The following DDX27 variants were observed in gnomAD, a reference collection of about 807,000 sequenced individuals.
The protein encoded by DDX27 is DEAD-box helicase 27.
A neutral mutation model predicts 99.3 loss-of-function variants in DDX27; 42 were observed. That is an observed-to-expected ratio of 0.42 (90% CI 0.33 to 0.55). The LOEUF (loss-of-function observed/expected upper bound fraction) is 0.55, where lower values mean the gene tolerates loss of function less well. Ranked by LOEUF, DDX27 falls within the 20% of genes least tolerant of loss-of-function variation. The probability of loss-of-function intolerance (pLI) is 0.07; values close to 1 mark genes in which losing one functional copy is unlikely to be tolerated. For synonymous variants in DDX27, 329 were observed against 353.8 expected, an observed-to-expected ratio of 0.93 and a Z score of 0.79; for missense variants, 798 against 976.8, an observed-to-expected ratio of 0.82 and a Z score of 2.44.
Position 49,223,271 on chromosome 20 carries a change from A to G in DDX27, c.304A>G (p.Lys102Glu), listed in dbSNP as rs748163464. 5 of 1,605,694 alleles carry G rather than the reference A, an allele frequency of 3.1e-6. No homozygotes were observed. Among genetic ancestry groups the G allele is most frequent in the African/African-American group, 2.7e-5 (2 of 74,120 alleles). Reference sequence around the variant, plus strand: ...CTCACTTTAATTTTTTTCCCAGGATAAAGAAGCCAAGTCTGGGAAGTTGGA... The same window carrying G: ...CTCACTTTAATTTTTTTCCCAGGATGAAGAAGCCAAGTCTGGGAAGTTGGA... Reference protein sequence around the residue: ...KVRKKRKTEDKEAKSGKLEKE... With the variant: ...KVRKKRKTEDEEAKSGKLEKE... The change falls in exon 4 of 21, where the codon AAA (lysine) becomes GAA (glutamate). Residue 102 changes from lysine (K) to glutamate (E), a missense_variant. By Grantham distance (56) the Lys-to-Glu change is moderately conservative (BLOSUM62 1). This residue lies in a region of DDX27 where 245 missense variants were observed against 248.8 expected (regional missense o/e 0.98). Coordinates refer to ENST00000618172, the MANE Select transcript of DDX27 (RefSeq NM_017895.8).
At chr20:49,230,569 C>G (rs1279080987) in intron 9 of DDX27, among the ~76,000 whole-genome samples, 1 of 152,188 alleles carries the variant, frequency 6.6e-6, no homozygotes, top group Non-Finnish European at 1.5e-5. Flanking sequence ...TAAGGCTGGT[C>G]AAATGTTGGT....
In DDX27 at chr20:49,219,485, G is replaced by A. The variant is rs754898021; in HGVS notation, c.37G>A (p.Glu13Lys). The change falls in exon 1 of 21, where the codon GAG becomes AAG. Residue 13 changes from glutamate (E) to lysine (K), a missense_variant. Physicochemically the swap from Glu to Lys is moderately conservative, Grantham distance 56. This residue lies in a region of DDX27 where 245 missense variants were observed against 248.8 expected (regional missense o/e 0.98). Transcript: ENST00000618172. Reference protein sequence around the residue: ...ADLGLIGTIGEDDEVPVEPES... With the variant: ...ADLGLIGTIGKDDEVPVEPES... Reference sequence around the variant, plus strand: ...CCTCGGCTTAATCGGAACCATAGGCGAGGATGACGAGGTGCCGGTGGAGCC... The same window carrying A: ...CCTCGGCTTAATCGGAACCATAGGCAAGGATGACGAGGTGCCGGTGGAGCC... 6.2e-7 allele frequency: 1 copy of A among 1,614,094 alleles called. No homozygotes were observed. The highest frequency in any genetic ancestry group is 1.1e-5 in the South Asian group (1 of 91,066).
chr20:49,223,916 T>A (rs1306301192), intron 4 of DDX27, among the ~76,000 whole-genome samples: 1 of 152,058 alleles, frequency 6.6e-6, no homozygotes, highest in African/African-American at 2.4e-5. Flanking sequence ...TCTCACTCCA[T>A]CCACAGGCTG....
chr20:49,223,094 G>GACGTTACCTA, intron 3 of DDX27, 78 bp downstream of exon 3: 1 of 1,477,530 alleles, frequency 6.8e-7, no homozygotes, highest in Non-Finnish European at 9.4e-7. Flanking sequence ...CTCTCTGGAA[G>GACGTTACCTA]CCCTTATAGA....
In DDX27 at chr20:49,236,415, G is replaced by A. The variant is rs779990675; in HGVS notation, c.1592G>A (p.Arg531His). The change falls in exon 14 of 21, where the codon CGC becomes CAC. Residue 531 changes from arginine to histidine, a missense_variant. By Grantham distance (29) the Arg-to-His change is conservative. Around this residue, in one of 2 missense-constraint regions of DDX27, gnomAD observed 553 missense variants for 727.9 expected, o/e 0.76. Transcript: ENST00000618172. The surrounding 1 kb of genome is among the most constrained non-coding windows in gnomAD (Gnocchi z 4.1). ...GRTARAGRAG[R>H]SVSLVGEDER... ...ACAGCACGTGCTGGCAGGGCTGGGCGCTCAGTCTCTCTGGTGGGAGAAGAT... is the reference window on the plus strand; with the variant it reads ...ACAGCACGTGCTGGCAGGGCTGGGCACTCAGTCTCTCTGGTGGGAGAAGAT... 3.1e-6 allele frequency: 5 copies of A among 1,612,824 alleles called. No individual in the cohort carries two copies. Among genetic ancestry groups the A allele is most frequent in the East Asian group, 2.2e-5 (1 of 44,856 alleles).
intron 19 of DDX27, among the ~76,000 whole-genome samples, 161 bp from the exon 20 acceptor site, chr20:49,243,468 C>T (rs1350914181): frequency 6.6e-6 from 1 of 152,138 alleles, no homozygotes; most frequent in Non-Finnish European, 1.5e-5. Context: ...TCCAGAAACA[C>T]GTTATCAGGT....
At chr20:49,242,827 T>G (rs1980526081) in intron 19 of DDX27, 146 bp downstream of exon 19, 1 of 750,486 alleles carries the variant, frequency 1.3e-6, no homozygotes, top group African/African-American at 1.8e-5. Flanking sequence ...GTTCAAGCAA[T>G]TCTCCTGCCT....
At chr20:49,226,402 C>T (rs1979887674) in intron 6 of DDX27, 28 bp from the exon 7 acceptor site, 1 of 1,595,610 alleles carries the variant, frequency 6.3e-7, no homozygotes, top group Non-Finnish European at 8.6e-7. Flanking sequence ...CCGCTCAACC[C>T]TGTCTGACCC....
intron 9 of DDX27, chr20:49,232,827 C>A (rs574831844): frequency 6.5e-6 from 1 of 152,984 alleles, no homozygotes; most frequent in South Asian, 1.7e-4. Flanking sequence ...GTAATCCCAG[C>A]TATTCAGGAG....
intron 14 of DDX27, chr20:49,238,313 TTTTG>T (rs901049999): frequency 3.3e-5 from 5 of 152,562 alleles, no homozygotes; most frequent in African/African-American, 1.2e-4. Flanking sequence ...CACTGCCTTA[TTTTG>T]TTTAAGATAA....
chr20:49,242,377 T>C (rs1361595062), intron 18 of DDX27, among the ~76,000 whole-genome samples, 171 bp downstream of exon 18: 1 of 152,154 alleles, frequency 6.6e-6, no homozygotes, highest in Non-Finnish European at 1.5e-5. Flanking sequence ...GCAGTGACCT[T>C]GTGGTTGTTG....
At chr20:49,227,056 G>A (rs1021051318) in intron 7 of DDX27, among the ~76,000 whole-genome samples, 3 of 149,210 alleles carry the variant, frequency 2.0e-5, no homozygotes, top group African/African-American at 7.4e-5. Flanking sequence ...TAGAGACGGG[G>A]TTTCACCGTT....
chr20:49,236,178 C>G lies in DDX27; in HGVS notation c.1456C>G (p.Leu486Val), dbSNP rs765507005. The G allele has an allele frequency of 3.1e-6, 5 of 1,612,402 alleles. No homozygotes were observed. The highest frequency in any genetic ancestry group is 4.2e-6 in the Non-Finnish European group (5 of 1,179,310). Residue 486 changes from leucine to valine, a missense_variant, in exon 13 of 21, where the codon CTC becomes GTC. Physicochemically the swap from Leu to Val is conservative, Grantham distance 32. Coordinates refer to ENST00000618172, the MANE Select transcript of DDX27 (RefSeq NM_017895.8). The surrounding 1 kb of genome is among the most constrained non-coding windows in gnomAD (Gnocchi z 4.1). ...RRFKDEQIDI[L>V]VATDVAARGL... ...TTTTAAGGATGAACAGATTGACATCCTCGTGGCCACTGATGTGGCAGCCCG... is the reference window on the plus strand; with the variant it reads ...TTTTAAGGATGAACAGATTGACATCGTCGTGGCCACTGATGTGGCAGCCCG...
At chr20:49,240,532 A>T (rs1434748936) in intron 16 of DDX27, among the ~76,000 whole-genome samples, 2 of 152,098 alleles carry the variant, frequency 1.3e-5, no homozygotes, top group Non-Finnish European at 2.9e-5. Context: ...GGTTCACCCC[A>T]TTCTCCTGCC....
intron 1 of DDX27, 152 bp downstream of exon 1, chr20:49,219,693 TC>T (rs201830161): frequency 0.019 from 14,880 of 772,086 alleles, 207 homozygotes; most frequent in Middle Eastern, 0.053. Context: ...TTCCTCAGTT[TC>T]CCCGCCACTA....
intron 6 of DDX27, among the ~76,000 whole-genome samples, chr20:49,225,677 G>A (rs899441543): frequency 2.6e-5 from 4 of 151,656 alleles, no homozygotes; most frequent in African/African-American, 4.8e-5. Flanking sequence ...GGATGGTCTC[G>A]ATCTCCTGAC....
chr20:49,219,803 GTGTAAGAGACGGCAGGTTTCTTACACCT>G (rs761400011), intron 1 of DDX27, among the ~76,000 whole-genome samples: 131 of 152,248 alleles, frequency 8.6e-4, no homozygotes, highest in South Asian at 3.5e-3. Flanking sequence ...ACCACGCCCT[GTGTAAGAGACGGCAGGTTTCTTACACCT>G]TGTAAGAGGT....
chr20:49,240,193 C>G (rs752356458), intron 16 of DDX27, among the ~76,000 whole-genome samples: 2 of 152,060 alleles, frequency 1.3e-5, no homozygotes, highest in Admixed American at 6.6e-5. Context: ...TAAGTAATGC[C>G]ACTGAATTGT....
In DDX27 at chr20:49,226,496, T is replaced by C. The variant is rs138080825; in HGVS notation, c.667T>C (p.Leu223=). 1.1e-3 allele frequency: 1,792 copies of C among 1,613,912 alleles called. 2 individuals are homozygous for C. Among genetic ancestry groups the C allele is most frequent in the Non-Finnish European group, 1.4e-3 (1,606 of 1,179,960 alleles). The change falls in exon 7 of 21, where the codon TTG becomes CTG. Residue 223 remains leucine (L), a synonymous_variant. Coordinates refer to ENST00000618172, the MANE Select transcript of DDX27 (RefSeq NM_017895.8). Reference sequence around the variant, plus strand: ...GAAGGCGTGCATACCTGTGGGTCTATTGGGGAAGGACATCTGTGCCTGTGC... The same window carrying C: ...GAAGGCGTGCATACCTGTGGGTCTACTGGGGAAGGACATCTGTGCCTGTGC... ...IQKACIPVGL[L]GKDICACAAT...
Sources: allele counts gnomAD v4.1 joint callset (sites outside exome capture counted in the v4.1 genomes callset), GRCh38; gene constraint gnomAD v4.1.1; regional missense constraint gnomAD v4.1.1; non-coding constraint Gnocchi (gnomAD v3.1); transcripts MANE v1.5; gene names NCBI Gene and HGNC (gene_info 2026-07-23, HGNC 2026-07-21).